Variants in PTPRN2 observed in about 807,000 individuals in gnomAD.
The protein encoded by PTPRN2 is receptor-type tyrosine-protein phosphatase N2.
A neutral mutation model predicts 118.8 loss-of-function variants in PTPRN2; 74 were observed. The ratio of observed to expected loss-of-function variants is 0.62; its 90% confidence interval spans 0.52 to 0.76. The LOEUF (loss-of-function observed/expected upper bound fraction) is 0.76. Ranked by LOEUF, PTPRN2 falls within the 30% of genes least tolerant of loss-of-function variation. The pLI, the probability that PTPRN2 is intolerant of heterozygous loss-of-function variation, is 0.00. For synonymous variants in PTPRN2, 641 were observed against 608.0 expected (o/e 1.05, Z -0.80); for missense variants, 1,481 against 1,394.4 (o/e 1.06, Z -0.99).
chr7:158,557,266 C>T (rs1248703094), intron 1 of PTPRN2, among the ~76,000 whole-genome samples: 4 of 144,996 alleles, frequency 2.8e-5, no homozygotes, highest in African/African-American at 7.8e-5. Flanking sequence ...AGGTGGCTCC[C>T]GCGCAGGTCA....
chr7:158,315,852 G>C (rs1403625529), intron 3 of PTPRN2, among the ~76,000 whole-genome samples: 3 of 152,244 alleles, frequency 2.0e-5, no homozygotes, highest in Non-Finnish European at 2.9e-5. Flanking sequence ...CAGCAGAGGA[G>C]GATTTTAATA....
chr7:157,847,051 C>T (rs1808876058), intron 12 of PTPRN2, among the ~76,000 whole-genome samples: 2 of 149,786 alleles, frequency 1.3e-5, no homozygotes, highest in Non-Finnish European at 3.0e-5. Flanking sequence ...GTTTACAGAG[C>T]CCTCTCTCAT....
At position 158,246,306 on chromosome 7, in the gene PTPRN2, G is replaced by C. The variant is rs147572040; in HGVS notation, c.278-41033C>G. Among the ~76,000 whole-genome samples the C allele has an allele frequency of 4.0e-4, 60 of 151,866 alleles. 2 individuals carry two copies. The highest frequency in any genetic ancestry group is 1.4e-3 in the African/African-American group (56 of 41,350). The stretch of plus-strand genomic sequence containing the variant: ...CATGTTATGGAAATGGCAGCGTAAT[G>C]GGTGGGTCTCCTGGTGACCAAAGAC... On this transcript the variant is annotated intron_variant, in intron 3 of 22. Transcript: ENST00000389418.
At position 157,987,981 on chromosome 7, in the gene PTPRN2, C is replaced by A. The variant is rs767602134; in HGVS notation, c.1724-89244G>T. The stretch of plus-strand genomic sequence containing the variant: ...CTCTCCCCACACCTGCCATTCCCTG[C>A]GTTACTGCAGCAGGGATCCAGAGAA... On this transcript the variant is annotated intron_variant, in intron 11 of 22. Transcript: ENST00000389418. The surrounding 1 kb of genome is among the most constrained non-coding windows in gnomAD (Gnocchi z 4.3). Among the ~76,000 whole-genome samples, 1 of 152,062 alleles carries A rather than the reference C, an allele frequency of 6.6e-6. No homozygotes were observed. Among genetic ancestry groups the A allele is most frequent in the Non-Finnish European group, 1.5e-5 (1 of 67,994 alleles).
In PTPRN2 at chr7:158,138,271, G is replaced by A. The variant is rs753223830; in HGVS notation, c.1132+23C>T. 1.6e-5 allele frequency: 26 copies of A among 1,600,822 alleles called. No individual in the cohort carries two copies. In the African/African-American group the frequency reaches 3.5e-4, roughly 21 times the overall value. ...CCTCCCCGCAGCACCCCTGGGTGTG[G>A]GCACCCATGGCGCTGCAGTCACCTG... is the stretch of plus-strand genomic sequence containing the variant. On this transcript the variant is annotated intron_variant, in intron 7 of 22. Coordinates refer to ENST00000389418, the MANE Select transcript of PTPRN2 (RefSeq NM_002847.5).
chr7:158,483,358 T>G (rs1428138654), intron 2 of PTPRN2, among the ~76,000 whole-genome samples: 1 of 152,254 alleles, frequency 6.6e-6, no homozygotes, highest in African/African-American at 2.4e-5. Flanking sequence ...TTTATTCTTG[T>G]ATCCACTCAC....
intron 11 of PTPRN2, among the ~76,000 whole-genome samples, chr7:158,059,344 A>G (rs1399637947): frequency 1.6e-5 from 2 of 126,128 alleles, no homozygotes; most frequent in African/African-American, 3.8e-5. Context: ...CTGCAGCCAC[A>G]CTCCATCTGC....
intron 19 of PTPRN2, 124 bp downstream of exon 19, chr7:157,576,489 C>T (rs1800046557): frequency 9.7e-6 from 10 of 1,028,392 alleles, no homozygotes; most frequent in Non-Finnish European, 1.2e-5. Context: ...CCTTCCCCTC[C>T]CCCCTGCGGC....
intron 2 of PTPRN2, among the ~76,000 whole-genome samples, chr7:158,367,631 C>CA: frequency 6.6e-6 from 1 of 152,174 alleles, no homozygotes; most frequent in African/African-American, 2.4e-5. Flanking sequence ...TGAGCCTCAG[C>CA]ATTCTGTCCT....
At chr7:158,404,033 T>C (rs890257683) in intron 2 of PTPRN2, among the ~76,000 whole-genome samples, 1 of 152,112 alleles carries the variant, frequency 6.6e-6, no homozygotes, top group Non-Finnish European at 1.5e-5. Flanking sequence ...CACGAAGACG[T>C]TGTGGTGGGG....
chr7:158,167,328 AT>A (rs750719818), intron 5 of PTPRN2, 37 bp from the exon 6 acceptor site: 1 of 1,536,224 alleles, frequency 6.5e-7, no homozygotes, highest in Non-Finnish European at 8.8e-7. Flanking sequence ...CAAGAGTCAC[AT>A]TTCCATCGTC....
chr7:158,329,427 G>C (rs1006303819), intron 2 of PTPRN2, among the ~76,000 whole-genome samples: 1 of 152,226 alleles, frequency 6.6e-6, no homozygotes, highest in Non-Finnish European at 1.5e-5. Flanking sequence ...CCAGCCCCGG[G>C]TGCTGCTGTT....
chr7:158,364,418 C>T (rs531180544), intron 2 of PTPRN2, among the ~76,000 whole-genome samples: 1 of 151,992 alleles, frequency 6.6e-6, no homozygotes, highest in South Asian at 2.1e-4. Context: ...CTTCCCACAG[C>T]AGGGTATGCA....
In PTPRN2 at chr7:157,682,930, T is replaced by C; in HGVS notation, c.1796A>G (p.Lys599Arg). 3 of 1,612,012 alleles carry C rather than the reference T, an allele frequency of 1.9e-6. No homozygotes were observed. Among genetic ancestry groups the C allele is most frequent in the Non-Finnish European group, 2.5e-6 (3 of 1,178,364 alleles). ...ILQTGVGSKSKLKFLPPQAEQ... is the reference protein window; with the variant it reads ...ILQTGVGSKSRLKFLPPQAEQ... Reference sequence around the variant, plus strand: ...CGCCTGAGGAGGCAGGAACTTGAGTTTGCTTTTCTGCAGAACAAGGAGAGA... The same window carrying C: ...CGCCTGAGGAGGCAGGAACTTGAGTCTGCTTTTCTGCAGAACAAGGAGAGA... Residue 599 changes from lysine to arginine, a missense_variant, in exon 13 of 23, where the codon AAA (lysine) becomes AGA (arginine). Physicochemically the swap from Lys to Arg is conservative, Grantham distance 26. Around this residue, in one of 3 missense-constraint regions of PTPRN2, gnomAD observed 1,115 missense variants for 994.2 expected, o/e 1.12. Transcript: ENST00000389418.
At chr7:157,996,772 G>A (rs1234840019) in intron 11 of PTPRN2, among the ~76,000 whole-genome samples, 1 of 152,142 alleles carries the variant, frequency 6.6e-6, no homozygotes, top group Non-Finnish European at 1.5e-5. Context: ...AAGTCATTTT[G>A]TTTCAAATCC....
In PTPRN2 at chr7:157,780,112, C is replaced by T. The variant is rs546508379; in HGVS notation, c.1789-97175G>A. 3.3e-5 allele frequency among the ~76,000 whole-genome samples: 5 copies of T among 152,230 alleles called. No homozygotes were observed. Among genetic ancestry groups the T allele is most frequent in the East Asian group, 3.9e-4 (2 of 5,182 alleles). On this transcript the variant is annotated intron_variant, in intron 12 of 22. Transcript: ENST00000389418. The surrounding 1 kb of genome is among the most constrained non-coding windows in gnomAD (Gnocchi z 4.5). ...CTTTATAATTAGGGCTCACTAGTGA[C>T]GAGCAAAAGCCCGTGAAACTGTCTT...
rs113848348 is a variant in PTPRN2, at chr7:158,308,501, A to T, written c.277+8318T>A. Among the ~76,000 whole-genome samples the T allele has an allele frequency of 3.5e-3, 529 of 152,268 alleles. 3 individuals carry two copies. The highest frequency in any genetic ancestry group is 0.012 in the African/African-American group (511 of 41,562). On this transcript the variant is annotated intron_variant, in intron 3 of 22. Coordinates refer to ENST00000389418, the MANE Select transcript of PTPRN2 (RefSeq NM_002847.5). ...CATTTATTTTCTCCTAATTTTCTTT[A>T]AAAAACCTGCATAAAGCAATAATTA...
intron 2 of PTPRN2, among the ~76,000 whole-genome samples, chr7:158,363,200 G>A (rs370887015): frequency 6.6e-6 from 1 of 152,114 alleles, no homozygotes; most frequent in Non-Finnish European, 1.5e-5. Flanking sequence ...AGGACACTAG[G>A]GAGGCCAGGA....
In PTPRN2 at chr7:158,530,957, T is replaced by C. The variant is rs115466381; in HGVS notation, c.113-41172A>G. ...ACATACACGTGTGTGTGTGTAAGCA[T>C]GTGTACGGATGTATCTGTATGCGGA... On this transcript the variant is annotated intron_variant, in intron 1 of 22. Transcript: ENST00000389418. Among the ~76,000 whole-genome samples the C allele has an allele frequency of 2.7e-3, 412 of 152,230 alleles. 3 individuals are homozygous for C. Among genetic ancestry groups the C allele is most frequent in the African/African-American group, 9.4e-3 (389 of 41,526 alleles).
Sources: allele counts gnomAD v4.1 joint callset (sites outside exome capture counted in the v4.1 genomes callset), GRCh38; gene constraint gnomAD v4.1.1; regional missense constraint gnomAD v4.1.1; non-coding constraint Gnocchi (gnomAD v3.1); transcripts MANE v1.5; gene names NCBI Gene and HGNC (gene_info 2026-07-23, HGNC 2026-07-21).